CSMD1: variants seen among roughly 807,000 people sequenced by gnomAD.
CSMD1 encodes CUB and sushi domain-containing protein 1.
Under a neutral mutation model 417.5 loss-of-function variants are expected in CSMD1, and 213 were observed. That is an observed-to-expected ratio of 0.51 (90% confidence interval 0.46 to 0.57). The LOEUF (loss-of-function observed/expected upper bound fraction) is 0.57. Ranked by LOEUF, CSMD1 falls within the 20% of genes least tolerant of loss-of-function variation. The pLI is 0.00. For missense variants in CSMD1, 6,923 were observed against 4,529.7 expected (o/e 1.53, Z -15.17); for synonymous variants, 2,862 against 1,736.8 (o/e 1.65, Z -16.11).
intron 5 of CSMD1, among the ~76,000 whole-genome samples, chr8:3,922,708 TATCTAC>T (rs1429059173): frequency 2.6e-5 from 4 of 152,222 alleles, no homozygotes; most frequent in African/African-American, 7.2e-5. Flanking sequence ...TTGATATTAC[TATCTAC>T]ATCTTTTTTA....
At chr8:3,296,153 G>A (rs930370514) in intron 25 of CSMD1, among the ~76,000 whole-genome samples, 1 of 151,988 alleles carries the variant, frequency 6.6e-6, no homozygotes, top group Non-Finnish European at 1.5e-5. Flanking sequence ...AATTCTTAGG[G>A]GAGGAAGGGG....
At chr8:4,637,801 G>T (rs1340818007) in intron 1 of CSMD1, among the ~76,000 whole-genome samples, 1 of 151,654 alleles carries the variant, frequency 6.6e-6, no homozygotes, top group East Asian at 2.0e-4. Flanking sequence ...CTCCCGAGTA[G>T]GTGGGACTAC....
chr8:4,677,580 G>C (rs180817288), intron 1 of CSMD1, among the ~76,000 whole-genome samples: 4 of 152,214 alleles, frequency 2.6e-5, no homozygotes, highest in Admixed American at 6.5e-5. Flanking sequence ...CTTTCATAGT[G>C]CCTAAGTAAT....
chr8:3,229,951 C>G lies in CSMD1; in HGVS notation c.4345+89G>C, dbSNP rs948795650. On this transcript the variant is annotated intron_variant, in intron 27 of 69. Coordinates refer to ENST00000635120, the MANE Select transcript of CSMD1 (RefSeq NM_033225.6). ...TGAAAGAAACTCTTGAGAAATATTT[C>G]TGAAGAAATAATACATTTACGGAGC... 4.2e-5 allele frequency: 39 copies of G among 926,162 alleles called. No individual in the cohort carries two copies. The East Asian group carries it at 9.5e-4, about 23-fold the overall frequency. 57.4% of individuals were successfully genotyped at this position (926,162 alleles called of 1,614,324 possible).
chr8:4,637,124 A>C (rs185104820), intron 2 of CSMD1, among the ~76,000 whole-genome samples: 2 of 152,268 alleles, frequency 1.3e-5, no homozygotes, highest in East Asian at 3.9e-4. Context: ...CTTAGCAATA[A>C]ACCTTGCTAC....
chr8:3,210,484 G>GAATATACATATATATA, intron 30 of CSMD1, among the ~76,000 whole-genome samples: 1 of 148,066 alleles, frequency 6.8e-6, no homozygotes, highest in East Asian at 2.0e-4. Context: ...ACATATATAG[G>GAATATACATATATATA]AATATGTATA....
chr8:4,723,160 G>T, intron 1 of CSMD1, among the ~76,000 whole-genome samples: 1 of 152,104 alleles, frequency 6.6e-6, no homozygotes, highest in Non-Finnish European at 1.5e-5. Context: ...AGTGGAAATG[G>T]ATTCTATTAT....
At chr8:3,535,235 G>C (rs1798146694) in intron 10 of CSMD1, among the ~76,000 whole-genome samples, 1 of 152,104 alleles carries the variant, frequency 6.6e-6, no homozygotes, top group Non-Finnish European at 1.5e-5. Context: ...TTACAGGCAT[G>C]AGCCACCGCA....
chr8:4,138,451 G>A (rs1052511550), intron 3 of CSMD1, among the ~76,000 whole-genome samples: 2 of 151,980 alleles, frequency 1.3e-5, no homozygotes, highest in East Asian at 3.9e-4. Context: ...AAAAAACACA[G>A]AACGCAGGAG....
intron 1 of CSMD1, among the ~76,000 whole-genome samples, chr8:4,725,212 A>C (rs1379147284): frequency 2.6e-5 from 4 of 152,210 alleles, no homozygotes; most frequent in African/African-American, 7.2e-5. Flanking sequence ...GGTTAAATTT[A>C]AGTCTTATTG....
At chr8:3,039,195 G>A (rs1810900651) in intron 50 of CSMD1, among the ~76,000 whole-genome samples, 1 of 150,518 alleles carries the variant, frequency 6.6e-6, no homozygotes. Context: ...CCTGCAGAGT[G>A]AAGGGTCCTG....
chr8:4,173,416 T>C (rs1797872651), intron 3 of CSMD1, among the ~76,000 whole-genome samples: 1 of 151,976 alleles, frequency 6.6e-6, no homozygotes, highest in South Asian at 2.1e-4. Flanking sequence ...ACGTGGTGAC[T>C]ACAGAGGTAA....
intron 5 of CSMD1, among the ~76,000 whole-genome samples, chr8:3,798,641 A>C (rs938929640): frequency 6.6e-6 from 1 of 152,152 alleles, no homozygotes; most frequent in Non-Finnish European, 1.5e-5. Context: ...TGCTATATAA[A>C]AAATACATAC....
chr8:3,683,336 T>C (rs1490232872), intron 7 of CSMD1, among the ~76,000 whole-genome samples: 3 of 152,190 alleles, frequency 2.0e-5, no homozygotes. Flanking sequence ...TTGTGTTCTC[T>C]TATTTATTCT....
rs1242482964 is a variant in CSMD1, at chr8:3,349,255, C to A, written c.3305-1094G>T. On this transcript the variant is annotated intron_variant, in intron 21 of 69. Transcript: ENST00000635120. ...GAATTTTGCAGATGACTTCTGCATG[C>A]CCACTGCCACGATACTGATTCTTTC... 4.6e-5 allele frequency among the ~76,000 whole-genome samples: 7 copies of A among 152,138 alleles called. 1 individual carries two copies. Among genetic ancestry groups the A allele is most frequent in the Admixed American group, 2.0e-4 (3 of 15,264 alleles).
At chr8:4,875,793 G>C (rs1465285217) in intron 1 of CSMD1, among the ~76,000 whole-genome samples, 1 of 151,682 alleles carries the variant, frequency 6.6e-6, no homozygotes, top group Non-Finnish European at 1.5e-5. Context: ...AGATATAATG[G>C]TTTGTATATA....
rs907953035 is a variant in CSMD1 at position 4,860,971 on chromosome 8, G to C, written c.85+133361C>G. On this transcript the variant is annotated intron_variant, in intron 1 of 69. Coordinates refer to ENST00000635120, the MANE Select transcript of CSMD1 (RefSeq NM_033225.6). The stretch of plus-strand genomic sequence containing the variant: ...TCCTCAGTTTCAAGAATGTAAACCT[G>C]TGCTGCCAAAAATTCACGTTCTCAC... Among the ~76,000 whole-genome samples the C allele has an allele frequency of 3.3e-5, 5 of 152,026 alleles. No homozygotes were observed. In the East Asian group the frequency reaches 7.7e-4, roughly 23 times the overall value.
chr8:4,745,762 T>A (rs765916959), intron 1 of CSMD1, among the ~76,000 whole-genome samples: 1 of 152,190 alleles, frequency 6.6e-6, no homozygotes, highest in African/African-American at 2.4e-5. Context: ...TTTAAATCTA[T>A]AGGAACACGC....
intron 6 of CSMD1, among the ~76,000 whole-genome samples, chr8:3,710,434 G>C (rs954208057): frequency 6.6e-6 from 1 of 152,170 alleles, no homozygotes; most frequent in Non-Finnish European, 1.5e-5. Context: ...CTTTAGTATG[G>C]TGTCCTGAGC....
Sources: allele counts gnomAD v4.1 joint callset (sites outside exome capture counted in the v4.1 genomes callset), GRCh38; gene constraint gnomAD v4.1.1; transcripts MANE v1.5; gene names NCBI Gene and HGNC (gene_info 2026-07-23, HGNC 2026-07-21).